PBX3: variants seen among roughly 807,000 people sequenced by gnomAD.
PBX3 encodes the protein PBX homeobox 3.
Under a neutral mutation model 48.5 loss-of-function variants are expected in PBX3, and 14 were observed. The ratio of observed to expected loss-of-function variants is 0.29; its 90% confidence interval spans 0.19 to 0.45. The LOEUF is 0.45. Among genes scored for constraint, PBX3 ranks in the 20% least tolerant of loss-of-function variants. The pLI, the probability that PBX3 is intolerant of heterozygous loss-of-function variation, is 1.00. For synonymous variants in PBX3, 210 were observed against 200.3 expected, an observed-to-expected ratio of 1.05 and a Z score of -0.41; for missense variants, 386 against 546.7, an observed-to-expected ratio of 0.71 and a Z score of 2.93.
chr9:125,897,195 A>T (rs1840795362), intron 2 of PBX3, among the ~76,000 whole-genome samples: 1 of 136,926 alleles, frequency 7.3e-6, no homozygotes, highest in African/African-American at 2.8e-5. Context: ...TCGCATTAGA[A>T]TTTTTTTCCT....
rs746711340 is a variant in PBX3 at position 125,750,558 on chromosome 9, G to A, written c.274+1935G>A. ...ATCTTTTCAAAGTCTGGGATTACTG[G>A]CAGAGAGAGCTTTGGTAGGGCTATT... On this transcript the variant is annotated intron_variant, in intron 2 of 8. Transcript: ENST00000373489. Among the ~76,000 whole-genome samples the A allele has an allele frequency of 2.6e-5, 4 of 152,338 alleles. No individual in the cohort carries two copies. In the South Asian group the frequency reaches 8.3e-4, roughly 32 times the overall value.
chr9:125,875,221 C>G (rs1177376970), intron 2 of PBX3, among the ~76,000 whole-genome samples: 3 of 152,094 alleles, frequency 2.0e-5, no homozygotes, highest in Non-Finnish European at 2.9e-5. Flanking sequence ...TCGCATTATT[C>G]TGATTCTTCT....
chr9:125,950,330 A>C (rs1488542734), intron 5 of PBX3, among the ~76,000 whole-genome samples: 1 of 152,238 alleles, frequency 6.6e-6, no homozygotes, highest in Non-Finnish European at 1.5e-5. Context: ...TCACAGCCTC[A>C]GATAAAAAAA....
intron 2 of PBX3, among the ~76,000 whole-genome samples, chr9:125,760,979 A>G (rs888218147): frequency 4.6e-5 from 7 of 152,228 alleles, no homozygotes; most frequent in African/African-American, 7.2e-5. Context: ...GTTGTCATCA[A>G]TAATTTTGTC....
At chr9:125,754,486 C>A (rs1413393968) in intron 2 of PBX3, among the ~76,000 whole-genome samples, 1 of 151,974 alleles carries the variant, frequency 6.6e-6, no homozygotes, top group Non-Finnish European at 1.5e-5. Context: ...GTTAATCAGA[C>A]AAATTGCTAT....
intron 2 of PBX3, chr9:125,844,694 G>C (rs995258033): frequency 6.6e-6 from 1 of 152,104 alleles, no homozygotes; most frequent in Non-Finnish European, 1.5e-5. Flanking sequence ...TACCTTAATT[G>C]CTGAGTGTAA....
chr9:125,949,803 T>C (rs1300534400), intron 5 of PBX3, among the ~76,000 whole-genome samples: 2 of 152,212 alleles, frequency 1.3e-5, no homozygotes, highest in African/African-American at 2.4e-5. Flanking sequence ...TTGATGTTCT[T>C]ATTTACAGGG....
At chr9:125,858,061 T>C (rs1588227504) in intron 2 of PBX3, among the ~76,000 whole-genome samples, 1 of 152,222 alleles carries the variant, frequency 6.6e-6, no homozygotes, top group Middle Eastern at 3.4e-3. Context: ...AACATGAAAT[T>C]ATGAGCATTA....
chr9:125,930,093 T>C (rs1195430409), intron 4 of PBX3, among the ~76,000 whole-genome samples: 2 of 152,244 alleles, frequency 1.3e-5, no homozygotes, highest in Admixed American at 6.5e-5. Context: ...CTAATGACTT[T>C]AGGAATATGT....
intron 2 of PBX3, among the ~76,000 whole-genome samples, chr9:125,858,101 C>T (rs1300708185): frequency 1.3e-5 from 2 of 152,182 alleles, no homozygotes; most frequent in African/African-American, 4.8e-5. Context: ...TGGTGGCTCA[C>T]TCCTATAATC....
At chr9:125,837,897 T>C (rs1839184040) in intron 2 of PBX3, among the ~76,000 whole-genome samples, 1 of 152,150 alleles carries the variant, frequency 6.6e-6, no homozygotes, top group Non-Finnish European at 1.5e-5. Flanking sequence ...GCCTAGACTT[T>C]CTATAGTCTT....
intron 2 of PBX3, among the ~76,000 whole-genome samples, chr9:125,875,640 A>G (rs1009639716): frequency 2.0e-5 from 3 of 152,082 alleles, no homozygotes; most frequent in Admixed American, 6.6e-5. Context: ...TTCTTGGTTC[A>G]ATCTTCCTGA....
At chr9:125,750,077 G>A (rs954430151) in intron 2 of PBX3, among the ~76,000 whole-genome samples, 1 of 152,192 alleles carries the variant, frequency 6.6e-6, no homozygotes, top group Non-Finnish European at 1.5e-5. Flanking sequence ...CTAGCATTCA[G>A]TCTTGAAGAT....
At chr9:125,933,725 C>T (rs552456246) in intron 4 of PBX3, among the ~76,000 whole-genome samples, 2 of 152,260 alleles carry the variant, frequency 1.3e-5, no homozygotes, top group Non-Finnish European at 2.9e-5. Context: ...CTTCTGAGAA[C>T]ATGGGCCCAG....
At chr9:125,923,352 A>G (rs1186294922) in intron 3 of PBX3, among the ~76,000 whole-genome samples, 1 of 152,192 alleles carries the variant, frequency 6.6e-6, no homozygotes, top group African/African-American at 2.4e-5. Context: ...TGTTACCATA[A>G]TGAGTGAGCT....
intron 5 of PBX3, among the ~76,000 whole-genome samples, chr9:125,942,958 G>T (rs943755446): frequency 6.6e-6 from 1 of 152,142 alleles, no homozygotes; most frequent in Non-Finnish European, 1.5e-5. Context: ...TACCATGATT[G>T]GTGTGGTGCT....
intron 5 of PBX3, among the ~76,000 whole-genome samples, chr9:125,946,374 A>G (rs1024660879): frequency 6.6e-6 from 1 of 152,188 alleles, no homozygotes; most frequent in Non-Finnish European, 1.5e-5. Context: ...CAAAATGACA[A>G]TGTTTCTGGT....
chr9:125,937,615 A>G (rs757780973), intron 5 of PBX3, among the ~76,000 whole-genome samples: 2 of 152,206 alleles, frequency 1.3e-5, no homozygotes, highest in Non-Finnish European at 2.9e-5. Context: ...GTTTTTAAAA[A>G]GTGAAAGCAA....
chr9:125,765,223 C>T (rs2131986091), intron 2 of PBX3, among the ~76,000 whole-genome samples: 1 of 150,622 alleles, frequency 6.6e-6, no homozygotes, highest in African/African-American at 2.4e-5. Context: ...AGTCATGGCT[C>T]ACTGCAACCT....
Sources: gnomAD v4.1 joint callset for allele counts (sites outside exome capture counted in the v4.1 genomes callset) on GRCh38, gnomAD v4.1.1 for gene constraint, MANE v1.5 for transcripts, NCBI Gene and HGNC (gene_info 2026-07-23, HGNC 2026-07-21) for gene names.